Variants in ZNF713 observed in about 807,000 individuals in gnomAD.
ZNF713 encodes zinc finger protein 713.
A neutral mutation model predicts 28.7 loss-of-function variants in ZNF713; 21 were observed. The observed-to-expected ratio is 0.73, with a 90% CI of 0.52 to 1.05. The LOEUF is 1.05. Ranked by LOEUF, ZNF713 falls within the 50% of genes least tolerant of loss-of-function variation. The probability of loss-of-function intolerance (pLI) is 0.00; values close to 1 mark genes in which losing one functional copy is unlikely to be tolerated. For missense variants in ZNF713, 458 were observed against 532.4 expected (o/e 0.86, Z 1.37); for synonymous variants, 167 against 178.0 (o/e 0.94, Z 0.49).
At chr7:55,892,121 T>C (rs1785390984) in intron 1 of ZNF713, among the ~76,000 whole-genome samples, 1 of 151,330 alleles carries the variant, frequency 6.6e-6, no homozygotes, top group Admixed American at 6.6e-5. Context: ...CTACTAAAAC[T>C]ACAAAAAAAT....
chr7:55,935,885 G>A (rs1411043175), intron 6 of ZNF713, among the ~76,000 whole-genome samples: 1 of 151,988 alleles, frequency 6.6e-6, no homozygotes, highest in Non-Finnish European at 1.5e-5. Context: ...AACCTGGGAG[G>A]CAGCGCTTGC....
intron 1 of ZNF713, among the ~76,000 whole-genome samples, chr7:55,904,936 A>G (rs1240832392): frequency 6.6e-6 from 1 of 152,110 alleles, no homozygotes; most frequent in African/African-American, 2.4e-5. Flanking sequence ...CATGTTGATC[A>G]GGCTGGTCTC....
intron 1 of ZNF713, among the ~76,000 whole-genome samples, chr7:55,892,555 CAAAAAAAA>C (rs56338467): frequency 6.7e-5 from 5 of 74,380 alleles, no homozygotes; most frequent in South Asian, 1.2e-3. Context: ...AAGCACTGAC[CAAAAAAAA>C]AAAAAAAAAA....
chr7:55,916,760 T>G (rs1785888657), intron 4 of ZNF713, among the ~76,000 whole-genome samples: 1 of 152,222 alleles, frequency 6.6e-6, no homozygotes, highest in African/African-American at 2.4e-5. Flanking sequence ...GATCTGTACC[T>G]CATACTTCAC....
Position 55,892,702 on chromosome 7 carries a change from G to A in ZNF713, c.-583+5022G>A, listed in dbSNP as rs139558330. On this transcript the variant is annotated intron_variant, in intron 1 of 6. Transcript: ENST00000429591. ...AGCCTGACCAACATAGAGAAACCCC[G>A]TCTCTACTGAAGATACAAAATTAGC... Among the ~76,000 whole-genome samples, 1,405 of 151,360 alleles carry A rather than the reference G, an allele frequency of 9.3e-3. 11 individuals carry two copies. Among genetic ancestry groups the A allele is most frequent in the Non-Finnish European group, 0.013 (900 of 67,852 alleles).
chr7:55,891,222 G>A (rs1322060564), intron 1 of ZNF713, among the ~76,000 whole-genome samples: 1 of 152,020 alleles, frequency 6.6e-6, no homozygotes, highest in South Asian at 2.1e-4. Flanking sequence ...AAATATGAAC[G>A]AAATTAAAGC....
intron 1 of ZNF713, among the ~76,000 whole-genome samples, chr7:55,899,907 C>T (rs1213676291): frequency 6.6e-6 from 1 of 151,664 alleles, no homozygotes; most frequent in African/African-American, 2.4e-5. Context: ...CCACACCCGG[C>T]CAATTTTTGT....
At chr7:55,891,773 G>C (rs1785383924) in intron 1 of ZNF713, among the ~76,000 whole-genome samples, 1 of 151,594 alleles carries the variant, frequency 6.6e-6, no homozygotes, top group Non-Finnish European at 1.5e-5. Context: ...ACCCACACTA[G>C]TTCATGATAT....
At chr7:55,921,482 G>C (rs772805242) in intron 4 of ZNF713, among the ~76,000 whole-genome samples, 1 of 152,222 alleles carries the variant, frequency 6.6e-6, no homozygotes, top group Non-Finnish European at 1.5e-5. Flanking sequence ...AAGAACATTT[G>C]TGGTTCGTGA....
intron 1 of ZNF713, among the ~76,000 whole-genome samples, chr7:55,904,392 G>A (rs144189409): frequency 0.027 from 1,370 of 50,984 alleles, 330 homozygotes; most frequent in African/African-American, 0.079. Flanking sequence ...GGGTCCAGGA[G>A]GCAGAGGTTG....
chr7:55,913,780 A>T (rs1282846616), intron 4 of ZNF713, among the ~76,000 whole-genome samples: 3 of 152,146 alleles, frequency 2.0e-5, no homozygotes, highest in African/African-American at 7.2e-5. Context: ...CTGTTGCATT[A>T]TAGGTATGAG....
intron 1 of ZNF713, among the ~76,000 whole-genome samples, chr7:55,899,441 G>C (rs1394699844): frequency 1.4e-5 from 2 of 145,234 alleles, no homozygotes; most frequent in East Asian, 2.1e-4. Context: ...GAGGGGGGGG[G>C]GGGGGTTGAT....
At chr7:55,908,269 A>T (rs1785721036) in intron 2 of ZNF713, among the ~76,000 whole-genome samples, 1 of 150,786 alleles carries the variant, frequency 6.6e-6, no homozygotes, top group African/African-American at 2.4e-5. Context: ...CAGCCTTCTG[A>T]ATAGCTGGGA....
intron 1 of ZNF713, among the ~76,000 whole-genome samples, chr7:55,901,660 T>C (rs369598891): frequency 5.3e-5 from 8 of 152,224 alleles, no homozygotes; most frequent in South Asian, 2.1e-4. Flanking sequence ...GAGGTTGCCA[T>C]GCCCAGAGAG....
chr7:55,922,537 CAAAA>C (rs71015126), intron 4 of ZNF713, among the ~76,000 whole-genome samples: 4 of 86,420 alleles, frequency 4.6e-5, no homozygotes, highest in Admixed American at 1.3e-4. Context: ...GACTCTGTCT[CAAAA>C]AAAAAAAAAA....
intron 6 of ZNF713, among the ~76,000 whole-genome samples, chr7:55,932,366 CA>C (rs35990100): frequency 6.2e-4 from 87 of 139,572 alleles, no homozygotes; most frequent in South Asian, 2.3e-3. Flanking sequence ...TCGTCTCTAC[CA>C]AAAAAAAAAA....
intron 2 of ZNF713, among the ~76,000 whole-genome samples, chr7:55,908,637 A>G (rs1230483043): frequency 6.6e-6 from 1 of 151,412 alleles, no homozygotes; most frequent in African/African-American, 2.4e-5. Context: ...GATTCTAGAT[A>G]TTAGTCCTTT....
At chr7:55,903,664 C>CT (rs1161717824) in intron 1 of ZNF713, among the ~76,000 whole-genome samples, 11 of 104,894 alleles carry the variant, frequency 1.0e-4, no homozygotes, top group African/African-American at 3.8e-4. Context: ...CAGACTGTGT[C>CT]TTAAAAAAAA....
At position 55,937,050 on chromosome 7, in the gene ZNF713, G is replaced by A. The variant is rs545819398; in HGVS notation, c.308-1932G>A. ...GCGGTGGCTCATGCTTGTAATCCCA[G>A]CACTTGGGGAGGCCAAGGCGGGCGG... On this transcript the variant is annotated intron_variant, in intron 6 of 6. Coordinates refer to ENST00000429591, the MANE Select transcript of ZNF713 (RefSeq NM_182633.3). Among the ~76,000 whole-genome samples, 115 of 152,278 alleles carry A rather than the reference G, an allele frequency of 7.6e-4. 2 individuals carry two copies. The South Asian group carries it at 0.021, about 28-fold the overall frequency.
Sources: allele counts gnomAD v4.1 joint callset (sites outside exome capture counted in the v4.1 genomes callset), GRCh38; gene constraint gnomAD v4.1.1; transcripts MANE v1.5; gene names NCBI Gene and HGNC (gene_info 2026-07-23, HGNC 2026-07-21).